Variants in CFAP20DC observed in about 807,000 individuals in gnomAD.
CFAP20DC encodes the protein protein CFAP20DC.
A neutral mutation model predicts 101.7 loss-of-function variants in CFAP20DC; 84 were observed. The ratio of observed to expected loss-of-function variants is 0.83; its 90% confidence interval spans 0.69 to 0.99. The LOEUF is 0.99. Ranked by LOEUF, CFAP20DC falls within the 50% of genes least tolerant of loss-of-function variation. CFAP20DC has a pLI of 0.00. For missense variants in CFAP20DC, 1,007 were observed against 970.3 expected (o/e 1.04, Z -0.50); for synonymous variants, 359 against 351.2 (o/e 1.02, Z -0.25).
chr3:58,839,744 T>C (rs2076973708), intron 13 of CFAP20DC, among the ~76,000 whole-genome samples: 2 of 152,322 alleles, frequency 1.3e-5, no homozygotes, highest in Admixed American at 6.5e-5. Context: ...CTGTCAAGTC[T>C]TTCTACCTAG....
intron 15 of CFAP20DC, among the ~76,000 whole-genome samples, chr3:58,792,790 T>C (rs754153205): frequency 6.6e-6 from 1 of 151,954 alleles, no homozygotes; most frequent in Non-Finnish European, 1.5e-5. Flanking sequence ...GACAAATCAG[T>C]GGCATCTTTG....
At chr3:58,967,473 A>G (rs1035770168) in intron 4 of CFAP20DC, among the ~76,000 whole-genome samples, 1 of 152,184 alleles carries the variant, frequency 6.6e-6, no homozygotes, top group African/African-American at 2.4e-5. Flanking sequence ...CTTAGATAGG[A>G]TGGCCAAAGC....
intron 12 of CFAP20DC, 57 bp from the exon 13 acceptor site, chr3:58,849,466 T>C: frequency 1.6e-6 from 2 of 1,265,624 alleles, no homozygotes; most frequent in Non-Finnish European, 2.1e-6. Flanking sequence ...GTGAATAAGT[T>C]ACTGAGTACA....
intron 4 of CFAP20DC, among the ~76,000 whole-genome samples, chr3:59,033,968 C>G (rs750808442): frequency 1.3e-5 from 2 of 152,206 alleles, no homozygotes; most frequent in Non-Finnish European, 2.9e-5. Context: ...AGATTACCCA[C>G]AAAGGGAAGC....
chr3:58,876,545 A>T (rs1274496748), intron 7 of CFAP20DC, among the ~76,000 whole-genome samples: 1 of 152,158 alleles, frequency 6.6e-6, no homozygotes, highest in East Asian at 1.9e-4. Flanking sequence ...TTTGTGGAAA[A>T]TGAACTTGGT....
chr3:58,849,748 T>C (rs775588796), intron 12 of CFAP20DC, among the ~76,000 whole-genome samples: 2 of 152,098 alleles, frequency 1.3e-5, no homozygotes, highest in African/African-American at 2.4e-5. Flanking sequence ...ATCTAAAACA[T>C]CTAAGAATCG....
chr3:58,937,309 T>TA (rs1323452547), intron 5 of CFAP20DC, among the ~76,000 whole-genome samples: 1 of 152,194 alleles, frequency 6.6e-6, no homozygotes, highest in Non-Finnish European at 1.5e-5. Context: ...GTTGAAATCT[T>TA]AGAGTTCTCC....
chr3:58,735,257 A>C (rs566060021), intron 3 of CFAP20DC, among the ~76,000 whole-genome samples: 1 of 152,382 alleles, frequency 6.6e-6, no homozygotes, highest in East Asian at 1.9e-4. Flanking sequence ...TTCACATAGC[A>C]TATAATCTGA....
chr3:58,778,552 A>G (rs948081502), intron 15 of CFAP20DC, among the ~76,000 whole-genome samples: 1 of 152,130 alleles, frequency 6.6e-6, no homozygotes, highest in African/African-American at 2.4e-5. Flanking sequence ...TGCTACTACC[A>G]TCATTTATGC....
chr3:58,764,564 A>G (rs2070079055), intron 15 of CFAP20DC, among the ~76,000 whole-genome samples: 1 of 151,974 alleles, frequency 6.6e-6, no homozygotes, highest in Non-Finnish European at 1.5e-5. Flanking sequence ...AGTGAGATGA[A>G]CCCGGTACCT....
chr3:58,719,936 C>T (rs527427933), intron 3 of CFAP20DC, among the ~76,000 whole-genome samples: 33 of 152,360 alleles, frequency 2.2e-4, no homozygotes, highest in African/African-American at 3.4e-4. Context: ...TCCAGGCCTT[C>T]GTACTGGCTG....
At chr3:58,771,161 A>G (rs1559567256) in intron 15 of CFAP20DC, among the ~76,000 whole-genome samples, 1 of 152,130 alleles carries the variant, frequency 6.6e-6, no homozygotes, top group Non-Finnish European at 1.5e-5. Flanking sequence ...TCACGAACCA[A>G]ACACTGCGTG....
intron 5 of CFAP20DC, among the ~76,000 whole-genome samples, chr3:58,932,225 A>C (rs1281544824): frequency 6.6e-6 from 1 of 152,196 alleles, no homozygotes; most frequent in Non-Finnish European, 1.5e-5. Flanking sequence ...TTTAGAGAAA[A>C]AAGAATAAAA....
At position 58,849,068 on chromosome 3, in the gene CFAP20DC, G is replaced by C. The variant is rs1386068176; in HGVS notation, c.1935C>G (p.Ile645Met). The part of the protein sequence containing the change: ...ASLNKTSLKE[I>M]SGERLSSIPE... ...GGATCGAGCTCAGCCTTTCCCCTGA[G>C]ATTTCTTTCAGGGAGGTTTTGTTTA... Residue 645 changes from isoleucine to methionine, a missense_variant, in exon 13 of 17, where the codon ATC (isoleucine) becomes ATG (methionine). Transcript: ENST00000482387. The C allele has an allele frequency of 6.5e-7, 1 of 1,535,922 alleles. No homozygotes were observed. Among genetic ancestry groups the C allele is most frequent in the Non-Finnish European group, 8.7e-7 (1 of 1,146,894 alleles).
chr3:58,915,160 G>A (rs1481752264), intron 5 of CFAP20DC, among the ~76,000 whole-genome samples: 3 of 152,076 alleles, frequency 2.0e-5, no homozygotes, highest in East Asian at 1.9e-4. Context: ...GGGGTTGGGC[G>A]GGGGAATGAG....
At position 58,964,365 on chromosome 3, in the gene CFAP20DC, A is replaced by G. The variant is rs545123528; in HGVS notation, c.279-26603T>C. Among the ~76,000 whole-genome samples, 3 of 152,324 alleles carry G rather than the reference A, an allele frequency of 2.0e-5. No individual in the cohort carries two copies. The highest frequency in any genetic ancestry group is 3.9e-4 in the East Asian group (2 of 5,190). ...ATTTGAATGTTAAGTCTCCACCCCA[A>G]GGTGGGCATGTAACGTGTATGTTTC... is the stretch of plus-strand genomic sequence containing the variant. On this transcript the variant is annotated intron_variant, in intron 4 of 16. Transcript: ENST00000482387. The surrounding 1 kb of genome is among the most constrained non-coding windows in gnomAD (Gnocchi z 4.1).
intron 16 of CFAP20DC, among the ~76,000 whole-genome samples, chr3:58,744,161 G>A (rs1332713198): frequency 6.6e-6 from 1 of 152,184 alleles, no homozygotes; most frequent in Non-Finnish European, 1.5e-5. Flanking sequence ...TCTTTCTCAT[G>A]TAGTAGTTCA....
chr3:58,783,539 T>C (rs534365571), intron 15 of CFAP20DC, among the ~76,000 whole-genome samples: 56 of 151,952 alleles, frequency 3.7e-4, no homozygotes, highest in African/African-American at 1.2e-3. Context: ...AAAATAAAAA[T>C]ATTTGCAAAC....
intron 15 of CFAP20DC, among the ~76,000 whole-genome samples, chr3:58,802,454 G>A (rs2073777177): frequency 6.6e-6 from 1 of 152,204 alleles, no homozygotes; most frequent in African/African-American, 2.4e-5. Flanking sequence ...GCCCTAAGAG[G>A]CAATGTTTGG....
Sources: allele counts gnomAD v4.1 joint callset (sites outside exome capture counted in the v4.1 genomes callset), GRCh38; gene constraint gnomAD v4.1.1; non-coding constraint Gnocchi (gnomAD v3.1); transcripts MANE v1.5; gene names NCBI Gene and HGNC (gene_info 2026-07-23, HGNC 2026-07-21).